The following ERBB4 variants were observed in gnomAD, a reference collection of about 807,000 sequenced individuals.
The protein encoded by ERBB4 is erb-b2 receptor tyrosine kinase 4.
ERBB4 carries 42 observed loss-of-function variants against 158.0 expected under a neutral mutation model. The ratio of observed to expected loss-of-function variants is 0.27; its 90% CI spans 0.21 to 0.34. The LOEUF (loss-of-function observed/expected upper bound fraction) is 0.34, where lower values mean the gene tolerates loss of function less well. Ranked by LOEUF, ERBB4 falls within the 10% of genes least tolerant of loss-of-function variation. ERBB4 has a pLI of 1.00. For synonymous variants in ERBB4, 583 were observed against 558.7 expected, an observed-to-expected ratio of 1.04 and a Z score of -0.61; for missense variants, 1,333 against 1,624.1, an observed-to-expected ratio of 0.82 and a Z score of 3.08.
At chr2:212,084,412 T>C (rs1205343465) in intron 2 of ERBB4, among the ~76,000 whole-genome samples, 4 of 151,978 alleles carry the variant, frequency 2.6e-5, no homozygotes, top group Non-Finnish European at 5.9e-5. Flanking sequence ...AGAAATTCTT[T>C]TCATGGGATA....
chr2:211,607,498 C>A (rs1282037892), intron 19 of ERBB4, among the ~76,000 whole-genome samples: 1 of 152,150 alleles, frequency 6.6e-6, no homozygotes, highest in East Asian at 1.9e-4. Flanking sequence ...GATAAAGTTG[C>A]AGCAGCAAGG....
intron 19 of ERBB4, among the ~76,000 whole-genome samples, chr2:211,607,970 A>C (rs1352026767): frequency 6.6e-6 from 1 of 150,414 alleles, no homozygotes; most frequent in Non-Finnish European, 1.5e-5. Flanking sequence ...CCAGGGCTCA[A>C]CCAATCTACC....
intron 5 of ERBB4, among the ~76,000 whole-genome samples, chr2:211,748,160 C>T (rs545445554): frequency 3.3e-5 from 5 of 151,692 alleles, no homozygotes; most frequent in South Asian, 2.1e-4. Context: ...TATGGAGGAA[C>T]GACTGTAAAA....
At chr2:211,800,612 T>G (rs1029149799) in intron 3 of ERBB4, among the ~76,000 whole-genome samples, 7 of 146,970 alleles carry the variant, frequency 4.8e-5, no homozygotes, top group Admixed American at 3.5e-4. Context: ...AGTTGAAAGG[T>G]AAAATTATGC....
intron 12 of ERBB4, among the ~76,000 whole-genome samples, chr2:211,697,427 C>A (rs1426346434): frequency 6.6e-6 from 1 of 152,038 alleles, no homozygotes; most frequent in Non-Finnish European, 1.5e-5. Context: ...ACAATCTAGT[C>A]ACTTAACTAT....
chr2:212,250,856 C>T (rs2084505428), intron 1 of ERBB4, among the ~76,000 whole-genome samples: 1 of 151,826 alleles, frequency 6.6e-6, no homozygotes, highest in Admixed American at 6.6e-5. Context: ...CCCTGCTCCC[C>T]TGTTTTCTTA....
At chr2:211,973,626 G>A (rs1441978620) in intron 2 of ERBB4, among the ~76,000 whole-genome samples, 1 of 152,214 alleles carries the variant, frequency 6.6e-6, no homozygotes, top group African/African-American at 2.4e-5. Flanking sequence ...CTTATACACT[G>A]TTGGTGTGAA....
At chr2:212,020,765 A>G (rs1334459459) in intron 2 of ERBB4, among the ~76,000 whole-genome samples, 1 of 152,152 alleles carries the variant, frequency 6.6e-6, no homozygotes, top group African/African-American at 2.4e-5. Context: ...CCATTTGTTA[A>G]TAATTCAGAT....
intron 25 of ERBB4, among the ~76,000 whole-genome samples, chr2:211,419,184 C>A (rs1312732767): frequency 6.6e-6 from 1 of 152,022 alleles, no homozygotes; most frequent in Non-Finnish European, 1.5e-5. Context: ...TTACATTATT[C>A]CTCTCTTCCA....
intron 18 of ERBB4, among the ~76,000 whole-genome samples, chr2:211,622,983 A>AAAAC: frequency 2.0e-5 from 1 of 50,368 alleles, no homozygotes; most frequent in African/African-American, 8.7e-5. Context: ...AAAAAAAAAA[A>AAAAC]AAAAAAAATA....
intron 20 of ERBB4, among the ~76,000 whole-genome samples, chr2:211,519,854 G>A (rs183155762): frequency 8.5e-5 from 13 of 152,184 alleles, no homozygotes; most frequent in African/African-American, 2.6e-4. Flanking sequence ...CACTGTTATC[G>A]AAAAGAGCTA....
intron 3 of ERBB4, among the ~76,000 whole-genome samples, chr2:211,928,796 A>G (rs1352885635): frequency 1.3e-5 from 2 of 152,214 alleles, no homozygotes; most frequent in African/African-American, 4.8e-5. Context: ...TGTCAGGTTT[A>G]AAATTTCAAA....
In ERBB4 at chr2:211,377,193, T is replaced by G. The variant is rs565177450; in HGVS notation, c.*6422A>C. The G allele has an allele frequency of 4.3e-6, 1 of 232,594 alleles. No individual in the cohort carries two copies. Among genetic ancestry groups the G allele is most frequent in the African/African-American group, 2.2e-5 (1 of 45,282 alleles). The allele number at this position is 232,594 out of a possible 1,614,324, so 14.4% of individuals were successfully genotyped here. On this transcript the variant is annotated 3_prime_UTR_variant, in exon 28 of 28. Coordinates refer to ENST00000342788, the MANE Select transcript of ERBB4 (RefSeq NM_005235.3). ...TTAAGGGAAAAGGACAACCCCCAATTAACTAAAAAATCTGGAAATGACATT... is the reference window on the plus strand; with the variant it reads ...TTAAGGGAAAAGGACAACCCCCAATGAACTAAAAAATCTGGAAATGACATT...
In ERBB4 at chr2:212,149,370, A is replaced by G. The variant is rs558538876; in HGVS notation, c.83-24467T>C. 2.6e-4 allele frequency among the ~76,000 whole-genome samples: 40 copies of G among 152,250 alleles called. 2 individuals are homozygous for G. The highest frequency in any genetic ancestry group is 2.2e-3 in the Admixed American group (34 of 15,280). On this transcript the variant is annotated intron_variant, in intron 1 of 27. Coordinates refer to ENST00000342788, the MANE Select transcript of ERBB4 (RefSeq NM_005235.3). ...TCGTCACATGTACTCTTTTTTAAAA[A>G]ATGTGTTGGTTTTTATAGATCCATA...
chr2:211,578,867 G>A (rs1350390696), intron 19 of ERBB4, among the ~76,000 whole-genome samples: 7 of 152,032 alleles, frequency 4.6e-5, no homozygotes, highest in African/African-American at 1.7e-4. Context: ...GAAAACCTAG[G>A]CAATACCATT....
intron 1 of ERBB4, among the ~76,000 whole-genome samples, chr2:212,361,820 A>G (rs11892564): frequency 0.33 from 49,380 of 151,532 alleles, 11,109 homozygotes; most frequent in African/African-American, 0.65. Context: ...TGGTTGTCAC[A>G]TTAGCATTTG....
At chr2:211,762,463 G>GGA (rs1183184089) in intron 4 of ERBB4, among the ~76,000 whole-genome samples, 1 of 152,140 alleles carries the variant, frequency 6.6e-6, no homozygotes, top group Non-Finnish European at 1.5e-5. Flanking sequence ...TGGTGCACGT[G>GGA]GAGAGAGAAA....
intron 3 of ERBB4, among the ~76,000 whole-genome samples, chr2:211,942,974 C>T (rs375738431): frequency 6.6e-6 from 1 of 151,912 alleles, no homozygotes; most frequent in Non-Finnish European, 1.5e-5. Context: ...TATGGATATA[C>T]ATAAAATAGA....
chr2:211,854,033 A>T (rs1434257348), intron 3 of ERBB4, among the ~76,000 whole-genome samples: 1 of 152,146 alleles, frequency 6.6e-6, no homozygotes, highest in African/African-American at 2.4e-5. Context: ...CAAGGAAAAC[A>T]GTAGATCTTA....
Sources: gnomAD v4.1 joint callset for allele counts (sites outside exome capture counted in the v4.1 genomes callset) on GRCh38, gnomAD v4.1.1 for gene constraint, MANE v1.5 for transcripts, NCBI Gene and HGNC (gene_info 2026-07-23, HGNC 2026-07-21) for gene names.